NPNT: variants seen among roughly 807,000 people sequenced by gnomAD.
The protein encoded by NPNT is nephronectin, also known as preosteoblast EGF-like repeat protein with MAM domain.
NPNT carries 45 observed loss-of-function variants against 68.6 expected under a neutral mutation model. The ratio of observed to expected loss-of-function variants is 0.66; its 90% CI spans 0.52 to 0.84. NPNT has a LOEUF of 0.84. Ranked by LOEUF, NPNT falls within the 40% of genes least tolerant of loss-of-function variation. The pLI, the probability that NPNT is intolerant of heterozygous loss-of-function variation, is 0.00. For missense variants in NPNT, 672 were observed against 714.8 expected, an observed-to-expected ratio of 0.94 and a Z score of 0.68; for synonymous variants, 233 against 253.3, an observed-to-expected ratio of 0.92 and a Z score of 0.76.
rs548572553 is a variant in NPNT, at chr4:105,895,707, G to T, written c.55G>T (p.Ala19Ser). The change falls in exon 1 of 12, where the codon GCC becomes TCC. Residue 19 changes from alanine (A) to serine (S), a missense_variant. By Grantham distance (99) the Ala-to-Ser change is moderately conservative. Coordinates refer to ENST00000379987, the MANE Select transcript of NPNT (RefSeq NM_001033047.3). ...LVSSLYLQAA[A>S]EFDGRWPRQI... ...ATCCTCGCTCTACCTGCAGGCGGCC[G>T]CCGAGTTCGACGGGAGGTGAGCTGG... 2 of 1,553,246 alleles carry T rather than the reference G, an allele frequency of 1.3e-6. No individual in the cohort carries two copies. The highest frequency in any genetic ancestry group is 1.7e-6 in the Non-Finnish European group (2 of 1,147,930).
intron 2 of NPNT, among the ~76,000 whole-genome samples, chr4:105,918,197 G>A (rs1727969378): frequency 6.6e-6 from 1 of 152,146 alleles, no homozygotes; most frequent in Admixed American, 6.6e-5. Flanking sequence ...ACACCTGAAG[G>A]TCAAAATGAC....
intron 1 of NPNT, 56 bp downstream of exon 1, chr4:105,895,779 T>A: frequency 7.1e-7 from 1 of 1,416,230 alleles, no homozygotes; most frequent in Non-Finnish European, 9.7e-7. Flanking sequence ...TCACACTCAC[T>A]GTCTTGGGTC....
intron 1 of NPNT, among the ~76,000 whole-genome samples, chr4:105,897,330 T>C (rs979654028): frequency 6.6e-6 from 1 of 152,224 alleles, no homozygotes; most frequent in African/African-American, 2.4e-5. Flanking sequence ...TTATTTAGAC[T>C]TTTTTCTAGT....
intron 4 of NPNT, among the ~76,000 whole-genome samples, 182 bp from the exon 5 acceptor site, chr4:105,938,119 T>C (rs1214140689): frequency 6.6e-6 from 1 of 152,226 alleles, no homozygotes; most frequent in South Asian, 2.1e-4. Flanking sequence ...AGTTTTATAT[T>C]TGTCTTTTAA....
intron 8 of NPNT, among the ~76,000 whole-genome samples, chr4:105,948,309 G>T (rs1415220708): frequency 6.6e-6 from 1 of 152,160 alleles, no homozygotes; most frequent in Non-Finnish European, 1.5e-5. Flanking sequence ...AGAATATACT[G>T]AACCAGAAAA....
chr4:105,937,512 C>T (rs1251217381), intron 4 of NPNT, among the ~76,000 whole-genome samples: 1 of 148,894 alleles, frequency 6.7e-6, no homozygotes, highest in African/African-American at 2.5e-5. Context: ...CAGAATCCAT[C>T]AGGTCTGTTT....
At chr4:105,967,574 C>A in intron 11 of NPNT, 130 bp downstream of exon 11, 1 of 790,576 alleles carries the variant, frequency 1.3e-6, no homozygotes, top group Non-Finnish European at 1.9e-6. Flanking sequence ...TTTTTCTGGG[C>A]CTGATGACTC....
At chr4:105,958,937 CTTG>C (rs1414630789) in intron 9 of NPNT, 88 bp from the exon 10 acceptor site, 3 of 797,774 alleles carry the variant, frequency 3.8e-6, no homozygotes, top group South Asian at 1.5e-5. Flanking sequence ...GGAGAGAACA[CTTG>C]TTGTCTAGAT....
intron 8 of NPNT, among the ~76,000 whole-genome samples, chr4:105,949,566 A>T (rs1730653700): frequency 6.6e-6 from 1 of 152,200 alleles, no homozygotes; most frequent in Non-Finnish European, 1.5e-5. Flanking sequence ...TTAAAAAGCC[A>T]CTTTTCAAAG....
chr4:105,931,553 C>T (rs1729100269), intron 3 of NPNT, among the ~76,000 whole-genome samples: 1 of 151,584 alleles, frequency 6.6e-6, no homozygotes, highest in South Asian at 2.1e-4. Flanking sequence ...AGCCGGGCGC[C>T]GTGGCTCTAC....
At position 105,940,618 on chromosome 4, in the gene NPNT, G is replaced by A. The variant is rs1729870385; in HGVS notation, c.745G>A (p.Asp249Asn). The A allele has an allele frequency of 5.0e-6, 8 of 1,613,278 alleles. No homozygotes were observed. The highest frequency in any genetic ancestry group is 6.8e-6 in the Non-Finnish European group (8 of 1,179,480). Reference sequence around the variant, plus strand: ...CAAATGTAAAGAAGGATACCAGGGTGATGGACTGACTTGTGTGTGTGAGTA... The same window carrying A: ...CAAATGTAAAGAAGGATACCAGGGTAATGGACTGACTTGTGTGTGTGAGTA... The part of the protein sequence containing the change: ...KCKCKEGYQG[D>N]GLTCVYIPKV... The change falls in exon 7 of 12, where the codon GAT (aspartate) becomes AAT (asparagine). Residue 249 changes from aspartate to asparagine, a missense_variant. By Grantham distance (23) the Asp-to-Asn change is conservative (BLOSUM62 1). Transcript: ENST00000379987.
intron 3 of NPNT, among the ~76,000 whole-genome samples, chr4:105,931,953 C>A (rs1471017498): frequency 6.6e-6 from 1 of 152,160 alleles, no homozygotes; most frequent in African/African-American, 2.4e-5. Flanking sequence ...ATTGTTAAGT[C>A]TCAACTCTCT....
At chr4:105,950,319 A>T (rs1730719055) in intron 8 of NPNT, among the ~76,000 whole-genome samples, 1 of 135,680 alleles carries the variant, frequency 7.4e-6, no homozygotes, top group East Asian at 2.2e-4. Context: ...ATAACATAGG[A>T]TGTTTATTAA....
chr4:105,895,538 C>A lies in NPNT; in HGVS notation c.-115C>A. On this transcript the variant is annotated 5_prime_UTR_variant, in exon 1 of 12. Coordinates refer to ENST00000379987, the MANE Select transcript of NPNT (RefSeq NM_001033047.3). The stretch of plus-strand genomic sequence containing the variant: ...CCGGGAGCGGCAGCAGTAGCCCGGG[C>A]GGCGAGGGCTGGGGGTTCCTCGAGA... The A allele has an allele frequency of 2.4e-6, 2 of 817,948 alleles. No homozygotes were observed. The highest frequency in any genetic ancestry group is 3.8e-6 in the Non-Finnish European group (2 of 527,556). The allele number at this position is 817,948 out of a possible 1,614,324, so 50.7% of individuals were successfully genotyped here.
chr4:105,895,815 CAG>C, intron 1 of NPNT, 92 bp downstream of exon 1: 1 of 1,117,748 alleles, frequency 8.9e-7, no homozygotes, highest in Non-Finnish European at 1.3e-6. Flanking sequence ...GTTTCGTGGT[CAG>C]AGAGGCGTCT....
chr4:105,954,903 C>G (rs1026076397), intron 8 of NPNT, among the ~76,000 whole-genome samples: 1 of 152,180 alleles, frequency 6.6e-6, no homozygotes, highest in African/African-American at 2.4e-5. Context: ...AAAAATCTGC[C>G]TTCACTTCTA....
Position 105,967,211 on chromosome 4 carries a change from G to T in NPNT, c.1369G>T (p.Ala457Ser). 1 of 1,613,744 alleles carries T rather than the reference G, an allele frequency of 6.2e-7. No individual in the cohort carries two copies. The highest frequency in any genetic ancestry group is 8.5e-7 in the Non-Finnish European group (1 of 1,179,970). Residue 457 changes from alanine (A) to serine (S), a missense_variant, in exon 11 of 12, where the codon GCA becomes TCA. By Grantham distance (99) the Ala-to-Ser change is moderately conservative. Coordinates refer to ENST00000379987, the MANE Select transcript of NPNT (RefSeq NM_001033047.3). Reference sequence around the variant, plus strand: ...AGGTGGACAATATCTGACAGTGTCGGCAGCCAAAGCCCCAGGGGGAAAAGC... The same window carrying T: ...AGGTGGACAATATCTGACAGTGTCGTCAGCCAAAGCCCCAGGGGGAAAAGC... Reference protein sequence around the residue: ...PAGGQYLTVSAAKAPGGKAAR... With the variant: ...PAGGQYLTVSSAKAPGGKAAR...
At chr4:105,919,772 TTTGTCCTACTA>T (rs1392610962) in intron 2 of NPNT, among the ~76,000 whole-genome samples, 1 of 150,938 alleles carries the variant, frequency 6.6e-6, no homozygotes, top group Non-Finnish European at 1.5e-5. Flanking sequence ...CATATGTTGG[TTTGTCCTACTA>T]TTGGTGATAT....
At chr4:105,963,173 C>T (rs1243450187) in intron 10 of NPNT, among the ~76,000 whole-genome samples, 3 of 151,910 alleles carry the variant, frequency 2.0e-5, no homozygotes, top group African/African-American at 4.8e-5. Context: ...TGCAGTGAGC[C>T]GAGATCACGC....
Sources: allele counts gnomAD v4.1 joint callset (sites outside exome capture counted in the v4.1 genomes callset), GRCh38; gene constraint gnomAD v4.1.1; transcripts MANE v1.5; gene names NCBI Gene and HGNC (gene_info 2026-07-23, HGNC 2026-07-21).